The following NEK11 variants were observed in gnomAD, a reference collection of about 807,000 sequenced individuals.
NEK11 encodes serine/threonine-protein kinase Nek11.
NEK11 carries 72 observed loss-of-function variants against 80.7 expected under a neutral mutation model. The observed-to-expected ratio is 0.89, with a 90% CI of 0.74 to 1.08. The LOEUF is 1.08. Ranked by LOEUF, NEK11 falls within the 50% of genes least tolerant of loss-of-function variation. The pLI is 0.00. For synonymous variants in NEK11, 251 were observed against 260.7 expected (o/e 0.96, Z 0.36); for missense variants, 764 against 763.6 (o/e 1.00, Z -0.01).
At chr3:131,215,284 G>GC (rs2094788401) in intron 14 of NEK11, among the ~76,000 whole-genome samples, 1 of 114,130 alleles carries the variant, frequency 8.8e-6, no homozygotes, top group East Asian at 3.1e-4. Context: ...GGGGCGGGGG[G>GC]AGGGGGAAGG....
At chr3:131,057,664 T>G (rs1380087000) in intron 3 of NEK11, among the ~76,000 whole-genome samples, 1 of 152,078 alleles carries the variant, frequency 6.6e-6, no homozygotes, top group Non-Finnish European at 1.5e-5. Flanking sequence ...TTTCATGTGT[T>G]TTTTGGCTGC....
chr3:131,255,128 G>GAAAGAA (rs1399129537), intron 16 of NEK11, among the ~76,000 whole-genome samples: 10 of 146,806 alleles, frequency 6.8e-5, no homozygotes, highest in African/African-American at 2.5e-4. Flanking sequence ...AAGAAAGAAA[G>GAAAGAA]AGAGAAAGAA....
At chr3:131,296,084 A>C (rs1012191147) in intron 17 of NEK11, among the ~76,000 whole-genome samples, 9 of 151,976 alleles carry the variant, frequency 5.9e-5, no homozygotes, top group Admixed American at 2.0e-4. Flanking sequence ...CAAGCCATTC[A>C]CCTGCGTTGG....
At chr3:131,090,386 A>G (rs2076553709) in intron 4 of NEK11, among the ~76,000 whole-genome samples, 1 of 152,188 alleles carries the variant, frequency 6.6e-6, no homozygotes, top group Admixed American at 6.5e-5. Context: ...GTGAAGGAAA[A>G]CATTTTTTGA....
intron 3 of NEK11, among the ~76,000 whole-genome samples, chr3:131,037,562 G>C (rs905157497): frequency 6.6e-6 from 1 of 152,184 alleles, no homozygotes; most frequent in Admixed American, 6.5e-5. Context: ...GATTACAGGC[G>C]TGAGCCACCA....
chr3:131,029,982 G>A, intron 3 of NEK11, 104 bp downstream of exon 3: 3 of 1,087,276 alleles, frequency 2.8e-6, no homozygotes, highest in Middle Eastern at 2.5e-4. Flanking sequence ...GCTCATGCCT[G>A]TAATCCCAGC....
At chr3:131,121,968 C>A (rs6801321) in intron 5 of NEK11, among the ~76,000 whole-genome samples, 2 of 152,110 alleles carry the variant, frequency 1.3e-5, no homozygotes, top group Non-Finnish European at 2.9e-5. Flanking sequence ...CTTCAGCTCA[C>A]GCTCTGTGGG....
At chr3:131,085,740 C>T (rs577834949) in intron 4 of NEK11, among the ~76,000 whole-genome samples, 1 of 152,290 alleles carries the variant, frequency 6.6e-6, no homozygotes, top group East Asian at 1.9e-4. Context: ...CAGTTAAATA[C>T]ATTCCCTAAT....
intron 3 of NEK11, among the ~76,000 whole-genome samples, chr3:131,036,540 A>G (rs2065675630): frequency 1.3e-5 from 2 of 152,202 alleles, no homozygotes; most frequent in African/African-American, 4.8e-5. Flanking sequence ...GTGAAAGAAA[A>G]ATCTTGGTTC....
At chr3:131,169,564 A>C (rs538787896) in intron 13 of NEK11, among the ~76,000 whole-genome samples, 1 of 152,160 alleles carries the variant, frequency 6.6e-6, no homozygotes, top group African/African-American at 2.4e-5. Flanking sequence ...TCACAGCTTA[A>C]AACAGTTGGA....
In NEK11 at chr3:131,335,586, C is replaced by T. The variant is rs577026184; in HGVS notation, c.1719-13971C>T. 3.8e-3 allele frequency among the ~76,000 whole-genome samples: 572 copies of T among 152,252 alleles called. 1 individual carries two copies. Among genetic ancestry groups the T allele is most frequent in the African/African-American group, 0.013 (534 of 41,518 alleles). Reference sequence around the variant, plus strand: ...CCAGGGATGCCCTCTCTCACCACTCCTATTCAACATAGTGTTGGACGTTCT... The same window carrying T: ...CCAGGGATGCCCTCTCTCACCACTCTTATTCAACATAGTGTTGGACGTTCT... On this transcript the variant is annotated intron_variant, in intron 17 of 17. Coordinates refer to ENST00000383366, the MANE Select transcript of NEK11 (RefSeq NM_024800.5).
At chr3:131,348,327 TG>T (rs894476720) in intron 17 of NEK11, among the ~76,000 whole-genome samples, 8 of 152,064 alleles carry the variant, frequency 5.3e-5, no homozygotes, top group African/African-American at 1.7e-4. Flanking sequence ...ATAAATTCAG[TG>T]GAACAATATG....
intron 15 of NEK11, among the ~76,000 whole-genome samples, chr3:131,239,938 G>A (rs533683544): frequency 6.6e-6 from 1 of 152,168 alleles, no homozygotes; most frequent in South Asian, 2.1e-4. Context: ...TATCCATTCA[G>A]CTTCAATGAG....
At chr3:131,240,522 G>T (rs1000459594) in intron 15 of NEK11, among the ~76,000 whole-genome samples, 1 of 150,414 alleles carries the variant, frequency 6.6e-6, no homozygotes, top group African/African-American at 2.5e-5. Context: ...CACATAATTG[G>T]TTTTTGTTGT....
chr3:131,127,887 T>A (rs913966315), intron 5 of NEK11, among the ~76,000 whole-genome samples: 1 of 152,196 alleles, frequency 6.6e-6, no homozygotes, highest in African/African-American at 2.4e-5. Flanking sequence ...ATGAAGAAGT[T>A]TTTCAGAGCT....
intron 15 of NEK11, 106 bp from the exon 16 acceptor site, chr3:131,243,330 G>A: frequency 1.0e-6 from 1 of 952,734 alleles, no homozygotes; most frequent in Non-Finnish European, 1.6e-6. Flanking sequence ...AATAATTTTG[G>A]AACCAGATTT....
chr3:131,335,366 AC>A (rs2097163541), intron 17 of NEK11, among the ~76,000 whole-genome samples: 1 of 152,202 alleles, frequency 6.6e-6, no homozygotes, highest in Non-Finnish European at 1.5e-5. Flanking sequence ...AAAGACAAAA[AC>A]CACATGATTA....
In NEK11 at chr3:131,030,731, C is replaced by T. The variant is rs569077329; in HGVS notation, c.170+853C>T. ...TATGTTAATGACCCCCTTGTCACCT[C>T]GTCTCTTTTGATTATGATCGGACCC... is the stretch of plus-strand genomic sequence containing the variant. On this transcript the variant is annotated intron_variant, in intron 3 of 17. Transcript: ENST00000383366. Among the ~76,000 whole-genome samples the T allele has an allele frequency of 4.6e-5, 7 of 152,290 alleles. No homozygotes were observed. In the South Asian group the frequency reaches 1.0e-3, roughly 23 times the overall value.
At chr3:131,271,406 G>A (rs555474307) in intron 16 of NEK11, among the ~76,000 whole-genome samples, 1 of 152,288 alleles carries the variant, frequency 6.6e-6, no homozygotes, top group Admixed American at 6.5e-5. Context: ...ATATCTATAG[G>A]AGCAAGAAGT....
Sources: gnomAD v4.1 joint callset for allele counts (sites outside exome capture counted in the v4.1 genomes callset) on GRCh38, gnomAD v4.1.1 for gene constraint, MANE v1.5 for transcripts, NCBI Gene and HGNC (gene_info 2026-07-23, HGNC 2026-07-21) for gene names.